Variants in ILKAP observed in about 807,000 individuals in gnomAD.
ILKAP encodes ILK associated serine/threonine phosphatase, also known as integrin-linked kinase-associated serine/threonine phosphatase 2C.
ILKAP carries 11 observed loss-of-function variants against 49.1 expected under a neutral mutation model. The ratio of observed to expected loss-of-function variants is 0.22; its 90% CI spans 0.14 to 0.37. ILKAP has a LOEUF of 0.37. ILKAP is among the 10% of genes least tolerant of loss of function. ILKAP has a pLI of 1.00. For missense variants in ILKAP, 363 were observed against 510.8 expected, an observed-to-expected ratio of 0.71 and a Z score of 2.79; for synonymous variants, 186 against 192.8, an observed-to-expected ratio of 0.96 and a Z score of 0.29.
At chr2:238,183,828 T>C (rs1693792790) in intron 7 of ILKAP, 88 bp from the exon 8 acceptor site, 3 of 1,079,960 alleles carry the variant, frequency 2.8e-6, no homozygotes, top group Admixed American at 2.3e-5. Context: ...AAGTATCTTA[T>C]ATTTCAAAAT....
intron 9 of ILKAP, among the ~76,000 whole-genome samples, chr2:238,175,495 G>A (rs145198055): frequency 4.1e-4 from 63 of 152,306 alleles, no homozygotes; most frequent in African/African-American, 1.5e-3. Flanking sequence ...CAGGAAACGC[G>A]TTTGGTAACG....
At chr2:238,203,231 G>A (rs1694650676) in intron 1 of ILKAP, among the ~76,000 whole-genome samples, 2 of 151,070 alleles carry the variant, frequency 1.3e-5, no homozygotes, top group African/African-American at 4.8e-5. Flanking sequence ...CCGCCACGCA[G>A]AGGGGCCGTG....
chr2:238,187,887 A>T (rs1465912636), intron 5 of ILKAP, among the ~76,000 whole-genome samples: 1 of 152,196 alleles, frequency 6.6e-6, no homozygotes, highest in East Asian at 1.9e-4. Context: ...GTTTACCAGC[A>T]TCCCTAGTCT....
intron 1 of ILKAP, among the ~76,000 whole-genome samples, chr2:238,196,688 C>T (rs959567980): frequency 1.3e-5 from 2 of 152,110 alleles, no homozygotes; most frequent in Non-Finnish European, 2.9e-5. Context: ...AAATTTCTCC[C>T]GGGGTCTTTG....
chr2:238,179,538 G>A (rs1363724860), intron 9 of ILKAP, among the ~76,000 whole-genome samples: 1 of 152,170 alleles, frequency 6.6e-6, no homozygotes, highest in African/African-American at 2.4e-5. Context: ...TTAGGTGAAA[G>A]GCTGACAGGA....
chr2:238,175,386 C>T (rs575140347), intron 9 of ILKAP, among the ~76,000 whole-genome samples: 1 of 152,296 alleles, frequency 6.6e-6, no homozygotes, highest in South Asian at 2.1e-4. Context: ...AATGTGGCCT[C>T]ATTCTTGTTT....
At position 238,180,600 on chromosome 2, in the gene ILKAP, AG is replaced by A. The variant is rs1224595700; in HGVS notation, c.836+1464del. Reference sequence around the variant, plus strand: ...GGGGCAGCCAGCCCTGGCCTCAGGCAGGAGAACAGACCACGACAGGGCTCTG... The same window carrying A: ...GGGGCAGCCAGCCCTGGCCTCAGGCAGAGAACAGACCACGACAGGGCTCTG... On this transcript the variant is annotated intron_variant, in intron 9 of 11. Coordinates refer to ENST00000254654, the MANE Select transcript of ILKAP (RefSeq NM_030768.3). 2.1e-5 allele frequency among the ~76,000 whole-genome samples: 3 copies of A among 145,418 alleles called. No individual in the cohort carries two copies. In the Admixed American group the frequency reaches 2.1e-4, roughly 10 times the overall value.
intron 6 of ILKAP, among the ~76,000 whole-genome samples, chr2:238,184,370 A>G (rs1693818404): frequency 6.6e-6 from 1 of 151,832 alleles, no homozygotes; most frequent in South Asian, 2.1e-4. Context: ...TTGTGTTTTT[A>G]GTAGAGACAG....
chr2:238,197,538 G>C (rs1367588571), intron 1 of ILKAP, among the ~76,000 whole-genome samples: 1 of 152,134 alleles, frequency 6.6e-6, no homozygotes, highest in East Asian at 1.9e-4. Flanking sequence ...CACTGTACAA[G>C]GGAGGAAGTC....
rs1693725378 is a variant in ILKAP, at chr2:238,182,242, G to A, written c.715-56C>T. On this transcript the variant is annotated intron_variant, in intron 8 of 11. Coordinates refer to ENST00000254654, the MANE Select transcript of ILKAP (RefSeq NM_030768.3). ...AATTCAGTGGGCGCAGCATCTAAAG[G>A]TACCAGTTGAAAAAAACAGTTAACA... is the stretch of plus-strand genomic sequence containing the variant. The A allele has an allele frequency of 3.1e-6, 5 of 1,594,968 alleles. No homozygotes were observed. In the South Asian group the frequency reaches 4.5e-5, roughly 14 times the overall value.
chr2:238,200,907 G>T (rs1370389705), intron 1 of ILKAP, among the ~76,000 whole-genome samples: 1 of 152,234 alleles, frequency 6.6e-6, no homozygotes, highest in Non-Finnish European at 1.5e-5. Context: ...GTACTAATTT[G>T]TACAGTAACA....
chr2:238,188,345 G>A (rs777058767), intron 4 of ILKAP, 88 bp from the exon 5 acceptor site: 2 of 1,467,764 alleles, frequency 1.4e-6, no homozygotes, highest in Admixed American at 4.4e-5. Flanking sequence ...AGGGAACTAT[G>A]ACTGTCTGAC....
chr2:238,203,461 C>G (rs1559305057), intron 1 of ILKAP, 38 bp downstream of exon 1: 1 of 1,208,134 alleles, frequency 8.3e-7, no homozygotes, highest in Non-Finnish European at 1.0e-6. Flanking sequence ...CCCGCCTGCT[C>G]TCCCTTCCCT....
Position 238,172,396 on chromosome 2 carries a change from G to A in ILKAP, c.956+1138C>T, listed in dbSNP as rs374611965. 7.0e-4 allele frequency among the ~76,000 whole-genome samples: 107 copies of A among 152,292 alleles called. 2 individuals are homozygous for A. The South Asian group carries it at 0.021, about 29-fold the overall frequency. ...GGCTTTCACTCGGCCGCTACTTGCC[G>A]AGCCTATCGTCCATGCTGAGAACAC... On this transcript the variant is annotated intron_variant, in intron 10 of 11. Coordinates refer to ENST00000254654, the MANE Select transcript of ILKAP (RefSeq NM_030768.3).
chr2:238,172,128 T>C (rs942693266), intron 10 of ILKAP, among the ~76,000 whole-genome samples: 20 of 152,200 alleles, frequency 1.3e-4, no homozygotes, highest in Admixed American at 1.0e-3. Flanking sequence ...TCTCGCTCAC[T>C]GTAACCTCCG....
chr2:238,179,040 A>T (rs1425703386), intron 9 of ILKAP, among the ~76,000 whole-genome samples: 2 of 152,130 alleles, frequency 1.3e-5, no homozygotes, highest in Non-Finnish European at 2.9e-5. Flanking sequence ...TAGGCTCAAG[A>T]GATTCACCCA....
At chr2:238,173,433 T>A (rs541396639) in intron 10 of ILKAP, 101 bp downstream of exon 10, 5 of 1,485,548 alleles carry the variant, frequency 3.4e-6, no homozygotes, top group Non-Finnish European at 2.8e-6. Context: ...CCTAGCACCA[T>A]GCACACCTTC....
chr2:238,195,649 A>C lies in ILKAP; in HGVS notation c.56-779T>G, dbSNP rs191726805. ...ATCTGAACTGGCACACAAGAATCCA[A>C]GTTGAAAGTATACACGTTCACCTCC... is the stretch of plus-strand genomic sequence containing the variant. On this transcript the variant is annotated intron_variant, in intron 1 of 11. Coordinates refer to ENST00000254654, the MANE Select transcript of ILKAP (RefSeq NM_030768.3). Among the ~76,000 whole-genome samples the C allele has an allele frequency of 9.2e-4, 140 of 152,322 alleles. 1 individual carries two copies. Among genetic ancestry groups the C allele is most frequent in the Non-Finnish European group, 1.8e-3 (122 of 68,022 alleles).
At chr2:238,179,615 A>G (rs184403043) in intron 9 of ILKAP, among the ~76,000 whole-genome samples, 8 of 152,262 alleles carry the variant, frequency 5.3e-5, no homozygotes, top group African/African-American at 1.9e-4. Context: ...AGGCAACAGG[A>G]GCATCCGGCT....
Sources: allele counts gnomAD v4.1 joint callset (sites outside exome capture counted in the v4.1 genomes callset), GRCh38; gene constraint gnomAD v4.1.1; transcripts MANE v1.5; gene names NCBI Gene and HGNC (gene_info 2026-07-23, HGNC 2026-07-21).